Variants in PBX3 observed in about 807,000 individuals in gnomAD.
PBX3 encodes PBX homeobox 3.
A neutral mutation model predicts 48.5 loss-of-function variants in PBX3; 14 were observed. That is an observed-to-expected ratio of 0.29 (90% CI 0.19 to 0.45). The LOEUF is 0.45. Ranked by LOEUF, PBX3 falls within the 20% of genes least tolerant of loss-of-function variation. PBX3 has a pLI of 1.00. For missense variants in PBX3, 386 were observed against 546.7 expected, an observed-to-expected ratio of 0.71 and a Z score of 2.93; for synonymous variants, 210 against 200.3, an observed-to-expected ratio of 1.05 and a Z score of -0.41.
At chr9:125,814,275 A>G (rs866176000) in intron 2 of PBX3, among the ~76,000 whole-genome samples, 6 of 150,908 alleles carry the variant, frequency 4.0e-5, no homozygotes, top group African/African-American at 1.5e-4. Context: ...ATATTTTTCT[A>G]TACTTTGAAA....
At chr9:125,798,805 A>G (rs2132086747) in intron 2 of PBX3, among the ~76,000 whole-genome samples, 1 of 152,252 alleles carries the variant, frequency 6.6e-6, no homozygotes, top group South Asian at 2.1e-4. Flanking sequence ...GCAAATGTAT[A>G]TTTGTTCCCT....
chr9:125,963,174 C>A, intron 8 of PBX3, 73 bp downstream of exon 8: 1 of 754,812 alleles, frequency 1.3e-6, no homozygotes, highest in Non-Finnish European at 2.2e-6. Context: ...AATTAATAGC[C>A]ATTTGACCTG....
chr9:125,854,157 G>C (rs1359284952), intron 2 of PBX3, among the ~76,000 whole-genome samples: 1 of 151,776 alleles, frequency 6.6e-6, no homozygotes, highest in East Asian at 1.9e-4. Flanking sequence ...TTTGAGACAG[G>C]GTCTCACGCT....
chr9:125,861,468 T>C (rs534972666), intron 2 of PBX3, among the ~76,000 whole-genome samples: 27 of 152,268 alleles, frequency 1.8e-4, no homozygotes, highest in African/African-American at 6.5e-4. Context: ...GACCCAGCAA[T>C]TTTATGCCTA....
At chr9:125,861,129 C>G (rs1324132797) in intron 2 of PBX3, among the ~76,000 whole-genome samples, 1 of 151,580 alleles carries the variant, frequency 6.6e-6, no homozygotes, top group African/African-American at 2.4e-5. Context: ...CTACTCCCCT[C>G]CCTCCCACAA....
At chr9:125,837,841 C>T (rs1020216444) in intron 2 of PBX3, among the ~76,000 whole-genome samples, 25 of 152,186 alleles carry the variant, frequency 1.6e-4, no homozygotes, top group African/African-American at 5.1e-4. Context: ...CCGCCCACTT[C>T]GGCCTTCCAA....
intron 2 of PBX3, among the ~76,000 whole-genome samples, chr9:125,818,112 T>C (rs764770341): frequency 6.6e-6 from 1 of 151,464 alleles, no homozygotes; most frequent in African/African-American, 2.4e-5. Flanking sequence ...GGCAGAAGAA[T>C]AGCTAGAACC....
intron 5 of PBX3, among the ~76,000 whole-genome samples, chr9:125,951,707 A>G (rs922244042): frequency 6.6e-6 from 1 of 152,226 alleles, no homozygotes; most frequent in African/African-American, 2.4e-5. Flanking sequence ...CTTGTAGACC[A>G]GGAAAGGAGA....
chr9:125,800,750 ATT>A (rs60068482), intron 2 of PBX3, among the ~76,000 whole-genome samples: 37 of 133,068 alleles, frequency 2.8e-4, no homozygotes, highest in Admixed American at 3.9e-4. Context: ...CTTGGAATTA[ATT>A]TTTTTTTTTT....
chr9:125,965,710 G>C, intron 8 of PBX3, 121 bp from the exon 9 acceptor site: 1 of 726,460 alleles, frequency 1.4e-6, no homozygotes, highest in South Asian at 1.7e-5. Flanking sequence ...TGCCACAGTG[G>C]GTTTAGAAAA....
intron 2 of PBX3, among the ~76,000 whole-genome samples, chr9:125,892,580 C>A (rs1458785515): frequency 6.6e-6 from 1 of 152,122 alleles, no homozygotes; most frequent in Admixed American, 6.5e-5. Context: ...AAAACCTGCC[C>A]TGTGTTTTAT....
At chr9:125,855,977 TAAA>T (rs979071091) in intron 2 of PBX3, among the ~76,000 whole-genome samples, 5 of 152,082 alleles carry the variant, frequency 3.3e-5, no homozygotes, top group African/African-American at 9.7e-5. Context: ...TTTTTTTAAA[TAAA>T]AAAATTTACA....
intron 2 of PBX3, among the ~76,000 whole-genome samples, chr9:125,787,206 A>G (rs1003816154): frequency 2.6e-5 from 4 of 151,958 alleles, no homozygotes; most frequent in Admixed American, 1.3e-4. Flanking sequence ...CACCTGGCTA[A>G]TTTATTTATT....
At chr9:125,800,437 T>G (rs961244362) in intron 2 of PBX3, among the ~76,000 whole-genome samples, 9 of 152,212 alleles carry the variant, frequency 5.9e-5, no homozygotes, top group Admixed American at 2.0e-4. Flanking sequence ...ATTAATCTTA[T>G]AACCCTAAAT....
chr9:125,921,607 G>T (rs971258761), intron 3 of PBX3, among the ~76,000 whole-genome samples: 2 of 152,068 alleles, frequency 1.3e-5, no homozygotes, highest in African/African-American at 4.8e-5. Context: ...TAGGTAAGAA[G>T]TGTTGAGGTA....
chr9:125,814,384 T>A (rs935848020), intron 2 of PBX3, among the ~76,000 whole-genome samples: 1 of 152,094 alleles, frequency 6.6e-6, no homozygotes, highest in African/African-American at 2.4e-5. Context: ...AACTGTAGAA[T>A]GAGACAGAAT....
At position 125,960,563 on chromosome 9, in the gene PBX3, A is replaced by G. The variant is rs1842406465; in HGVS notation, c.844-121A>G. The G allele has an allele frequency of 5.1e-6, 4 of 783,410 alleles. No individual in the cohort carries two copies. In the East Asian group the frequency reaches 7.6e-5, roughly 15 times the overall value. The allele number at this position is 783,410 out of a possible 1,614,324, so 48.5% of individuals were successfully genotyped here. ...CATTATGCATGATCCATAGGATGTG[A>G]GGTTGCAGGCTAGGAATTGTGTGTC... On this transcript the variant is annotated intron_variant, in intron 5 of 8. Coordinates refer to ENST00000373489, the MANE Select transcript of PBX3 (RefSeq NM_006195.6).
chr9:125,869,590 A>T (rs1374361690), intron 2 of PBX3, among the ~76,000 whole-genome samples: 1 of 152,244 alleles, frequency 6.6e-6, no homozygotes, highest in African/African-American at 2.4e-5. Flanking sequence ...GCTAGAATCA[A>T]TGAAATAATT....
intron 2 of PBX3, among the ~76,000 whole-genome samples, chr9:125,833,557 T>C (rs1222328707): frequency 6.6e-6 from 1 of 152,206 alleles, no homozygotes; most frequent in Non-Finnish European, 1.5e-5. Flanking sequence ...CCTAATTTTA[T>C]AGATTAGAAA....
Sources: gnomAD v4.1 joint callset for allele counts (sites outside exome capture counted in the v4.1 genomes callset) on GRCh38, gnomAD v4.1.1 for gene constraint, MANE v1.5 for transcripts, NCBI Gene and HGNC (gene_info 2026-07-23, HGNC 2026-07-21) for gene names.